Variants in CLK4 observed in about 807,000 individuals in gnomAD.
CLK4 encodes CDC like kinase 4.
Under a neutral mutation model 64.4 loss-of-function variants are expected in CLK4, and 37 were observed. That is an observed-to-expected ratio of 0.57 (90% CI 0.44 to 0.76). The LOEUF (loss-of-function observed/expected upper bound fraction) is 0.76. Among genes scored for constraint, CLK4 ranks in the 30% least tolerant of loss-of-function variants. The probability of loss-of-function intolerance (pLI) is 0.00; values close to 1 mark genes in which losing one functional copy is unlikely to be tolerated. For synonymous variants in CLK4, 175 were observed against 191.6 expected (o/e 0.91, Z 0.72); for missense variants, 457 against 605.1 (o/e 0.76, Z 2.57).
intron 9 of CLK4, 32 bp downstream of exon 9, chr5:178,612,384 T>C (rs372873214): frequency 1.4e-4 from 223 of 1,549,630 alleles, no homozygotes; most frequent in Non-Finnish European, 1.6e-4. Context: ...TCTTCTTCAA[T>C]TATAATATTA....
intron 3 of CLK4, 80 bp downstream of exon 3, chr5:178,618,476 A>AT (rs1764658960): frequency 9.1e-6 from 5 of 546,792 alleles, no homozygotes; most frequent in South Asian, 9.3e-5. Flanking sequence ...ATATATATAT[A>AT]AAAAATTAGA....
In CLK4 at chr5:178,618,648, G is replaced by C. The variant is rs149761770; in HGVS notation, c.292C>G (p.Arg98Gly). Residue 98 changes from arginine (R) to glycine (G), a missense_variant, in exon 3 of 13, where the codon CGA becomes GGA. Coordinates refer to ENST00000316308, the MANE Select transcript of CLK4 (RefSeq NM_020666.3). ...ACTGAAGATTTACTGCAGTGGATTCGATACCCGCTTTCAATGTCTCTGTGA... is the reference window on the plus strand; with the variant it reads ...ACTGAAGATTTACTGCAGTGGATTCCATACCCGCTTTCAATGTCTCTGTGA... ...HYHRDIESGY[R>G]IHCSKSSVRS... 3.1e-6 allele frequency: 5 copies of C among 1,613,840 alleles called. No individual in the cohort carries two copies. Among genetic ancestry groups the C allele is most frequent in the Admixed American group, 1.7e-5 (1 of 59,986 alleles).
Position 178,613,852 on chromosome 5 carries a change from T to C in CLK4, c.543-9A>G. ...CTACATGCATGCCATCCCTTAAAAATAAAATTAAGATAAAAATGATAAATG... is the reference window on the plus strand; with the variant it reads ...CTACATGCATGCCATCCCTTAAAAACAAAATTAAGATAAAAATGATAAATG... On this transcript the variant is annotated splice_polypyrimidine_tract_variant and intron_variant, in intron 5 of 12. Coordinates refer to ENST00000316308, the MANE Select transcript of CLK4 (RefSeq NM_020666.3). 1.3e-6 allele frequency: 2 copies of C among 1,597,544 alleles called. No homozygotes were observed. The highest frequency in any genetic ancestry group is 2.2e-5 in the South Asian group (2 of 90,660).
chr5:178,620,072 A>G (rs913572854), intron 2 of CLK4: 1 of 345,102 alleles, frequency 2.9e-6, no homozygotes, highest in African/African-American at 2.1e-5. Context: ...AAGCATCTTT[A>G]CAACTACTAC....
At chr5:178,608,906 G>A (rs1764504402) in intron 9 of CLK4, among the ~76,000 whole-genome samples, 1 of 152,136 alleles carries the variant, frequency 6.6e-6, no homozygotes, top group African/African-American at 2.4e-5. Context: ...ATTATCATCA[G>A]CTTGATGCAT....
At chr5:178,616,100 A>AT (rs890308750) in intron 5 of CLK4, among the ~76,000 whole-genome samples, 6 of 150,634 alleles carry the variant, frequency 4.0e-5, no homozygotes, top group Non-Finnish European at 8.9e-5. Flanking sequence ...TTTTATTTTT[A>AT]TTTTTTTTGA....
At chr5:178,616,759 G>T in intron 5 of CLK4, 123 bp downstream of exon 5, 1 of 704,434 alleles carries the variant, frequency 1.4e-6, no homozygotes, top group Non-Finnish European at 2.4e-6. Context: ...TAGCACCACT[G>T]CACTCAAGCC....
At chr5:178,621,883 C>T (rs1034607938) in intron 2 of CLK4, 2 of 151,954 alleles carry the variant, frequency 1.3e-5, no homozygotes, top group African/African-American at 4.8e-5. Flanking sequence ...ACAGAGATTA[C>T]CATCTTTATA....
At chr5:178,613,704 TC>T in intron 6 of CLK4, 22 bp downstream of exon 6, 1 of 1,607,856 alleles carries the variant, frequency 6.2e-7, no homozygotes, top group Non-Finnish European at 8.5e-7. Context: ...ATATGATGGC[TC>T]CTAGGTGAAA....
In CLK4 at chr5:178,617,545, TA is replaced by T; in HGVS notation, c.385-112del. The stretch of plus-strand genomic sequence containing the variant: ...GCGGGGAGATATTCAGGCATTCAGA[TA>T]AGCACCAGGCCACGAACAGTTGGCA... On this transcript the variant is annotated intron_variant, in intron 3 of 12. Transcript: ENST00000316308. The surrounding 1 kb of genome is among the most constrained non-coding windows in gnomAD (Gnocchi z 5.2). The T allele has an allele frequency of 8.7e-7, 1 of 1,148,674 alleles. No homozygotes were observed. Among genetic ancestry groups the T allele is most frequent in the Non-Finnish European group, 1.2e-6 (1 of 818,610 alleles). The allele number at this position is 1,148,674 out of a possible 1,614,324, so 71.2% of individuals were successfully genotyped here.
intron 9 of CLK4, 87 bp from the exon 10 acceptor site, chr5:178,608,545 T>C: frequency 1.1e-6 from 1 of 887,910 alleles, no homozygotes; most frequent in Admixed American, 2.7e-5. Flanking sequence ...AGTGCTCCCT[T>C]TACAGAACCC....
intron 7 of CLK4, 90 bp from the exon 8 acceptor site, chr5:178,612,980 T>G (rs543692813): frequency 3.3e-6 from 2 of 601,000 alleles, no homozygotes; most frequent in East Asian, 5.6e-5. Context: ...GATATAGTGG[T>G]CAAGAGACGA....
intron 2 of CLK4, chr5:178,620,456 G>C (rs1269676419): frequency 3.5e-6 from 1 of 285,456 alleles, no homozygotes; most frequent in African/African-American, 2.2e-5. Flanking sequence ...AAAAGGATGA[G>C]AGTCTCTTCA....
Position 178,603,600 on chromosome 5 carries a change from G to GACC in CLK4, c.*14_*16dup. On this transcript the variant is annotated 3_prime_UTR_variant, in exon 13 of 13. Coordinates refer to ENST00000316308, the MANE Select transcript of CLK4 (RefSeq NM_020666.3). ...TCTCTTCTAGAGAAGTATATAGTAA[G>GACC]ACCACTGATTCCCATTTCATTTCTT... 2 of 1,538,124 alleles carry GACC rather than the reference G, an allele frequency of 1.3e-6. No homozygotes were observed. Among genetic ancestry groups the GACC allele is most frequent in the South Asian group, 2.6e-5 (2 of 77,472 alleles).
chr5:178,609,178 A>C (rs1437099227), intron 9 of CLK4, among the ~76,000 whole-genome samples: 1 of 152,244 alleles, frequency 6.6e-6, no homozygotes, highest in Non-Finnish European at 1.5e-5. Flanking sequence ...AAGGAGAAAG[A>C]ACCAACCACA....
intron 9 of CLK4, among the ~76,000 whole-genome samples, chr5:178,610,265 G>C (rs10063569): frequency 6.6e-6 from 1 of 151,940 alleles, no homozygotes; most frequent in African/African-American, 2.4e-5. Flanking sequence ...AGTCCAGCCC[G>C]GGTGACAGTG....
chr5:178,618,403 GTTTCC>G (rs1764657968), intron 3 of CLK4, 148 bp downstream of exon 3: 3 of 263,168 alleles, frequency 1.1e-5, no homozygotes, highest in African/African-American at 6.8e-5. Flanking sequence ...GAATTTGGAG[GTTTCC>G]TTTAAGGATT....
chr5:178,607,298 ATT>A (rs1764480933), intron 10 of CLK4, among the ~76,000 whole-genome samples: 1 of 152,002 alleles, frequency 6.6e-6, no homozygotes, highest in Admixed American at 6.6e-5. Flanking sequence ...TAATTTTCCC[ATT>A]TATACAAGAC....
chr5:178,619,681 G>C, intron 2 of CLK4: 1 of 787,278 alleles, frequency 1.3e-6, no homozygotes, highest in South Asian at 2.0e-5. Context: ...GAAAGCCATG[G>C]ACTCTCTTTC....
Sources: gnomAD v4.1 joint callset for allele counts (sites outside exome capture counted in the v4.1 genomes callset) on GRCh38, gnomAD v4.1.1 for gene constraint, Gnocchi (gnomAD v3.1) non-coding constraint, MANE v1.5 for transcripts, NCBI Gene and HGNC (gene_info 2026-07-23, HGNC 2026-07-21) for gene names.